The following MTERF3 variants were observed in gnomAD, a reference collection of about 807,000 sequenced individuals.
The protein encoded by MTERF3 is transcription termination factor 3, mitochondrial.
MTERF3 carries 40 observed loss-of-function variants against 40.5 expected under a neutral mutation model. The observed-to-expected ratio is 0.99, with a 90% CI of 0.77 to 1.29. The LOEUF (loss-of-function observed/expected upper bound fraction) is 1.29. MTERF3 is among the 50% of genes most tolerant of loss of function. The probability of loss-of-function intolerance (pLI) is 0.00; values close to 1 mark genes in which losing one functional copy is unlikely to be tolerated. For synonymous variants in MTERF3, 158 were observed against 166.6 expected, an observed-to-expected ratio of 0.95 and a Z score of 0.40; for missense variants, 452 against 478.2, an observed-to-expected ratio of 0.95 and a Z score of 0.51.
intron 1 of MTERF3, among the ~76,000 whole-genome samples, chr8:96,259,910 A>G (rs560162584): frequency 2.7e-5 from 4 of 149,356 alleles, no homozygotes; most frequent in Non-Finnish European, 6.0e-5. Context: ...TATTATTATT[A>G]TTATTTTTTT....
chr8:96,250,882 T>C (rs760442168), intron 4 of MTERF3, 24 bp downstream of exon 4: 39 of 1,584,622 alleles, frequency 2.5e-5, no homozygotes, highest in Non-Finnish European at 3.1e-5. Context: ...TTAGGTTATA[T>C]GAGAATCCTT....
At chr8:96,250,856 C>A (rs1036117136) in intron 4 of MTERF3, 50 bp downstream of exon 4, 1 of 1,514,212 alleles carries the variant, frequency 6.6e-7, no homozygotes, top group Non-Finnish European at 9.0e-7. Flanking sequence ...ACATATATTT[C>A]CTTCATAACC....
chr8:96,241,652 C>T (rs1432800208), intron 7 of MTERF3, among the ~76,000 whole-genome samples: 4 of 152,156 alleles, frequency 2.6e-5, no homozygotes, highest in Non-Finnish European at 4.4e-5. Flanking sequence ...TGCGGTGTTT[C>T]TCCCTTCTTT....
rs1184894202 is a variant in MTERF3 at position 96,256,991 on chromosome 8, G to C, written c.458C>G (p.Ser153Cys). Residue 153 changes from serine (S) to cysteine (C), a missense_variant, in exon 3 of 8, where the codon TCT (serine) becomes TGT (cysteine). Ser to Cys is a moderately radical substitution (Grantham distance 112). Transcript: ENST00000287025. Reference sequence around the variant, plus strand: ...AAGAACCAACTTCTGCAGAGTCTCAGAATGATCCACATAGTCTCGAAGTGT... The same window carrying C: ...AAGAACCAACTTCTGCAGAGTCTCACAATGATCCACATAGTCTCGAAGTGT... ...SFTLRDYVDHSETLQKLVLLG... is the reference protein window; with the variant it reads ...SFTLRDYVDHCETLQKLVLLG... The C allele has an allele frequency of 6.2e-7, 1 of 1,613,282 alleles. No homozygotes were observed. Among genetic ancestry groups the C allele is most frequent in the Non-Finnish European group, 8.5e-7 (1 of 1,179,748 alleles).
Position 96,250,946 on chromosome 8 carries a change from G to A in MTERF3, c.637C>T (p.His213Tyr), listed in dbSNP as rs148129681. The A allele has an allele frequency of 1.9e-6, 3 of 1,609,092 alleles. No individual in the cohort carries two copies. The highest frequency in any genetic ancestry group is 1.1e-5 in the South Asian group (1 of 89,588). The change falls in exon 4 of 8, where the codon CAT becomes TAT. Residue 213 changes from histidine (H) to tyrosine (Y), a missense_variant. By Grantham distance (83) the His-to-Tyr change is moderately conservative. Transcript: ENST00000287025. ...NQLGAFLTKNHAIFSEDLENL... is the reference protein window; with the variant it reads ...NQLGAFLTKNYAIFSEDLENL... ...TCAAGGTCTTCAGAGAAAATTGCAT[G>A]ATTTTTTGTCAGGAATGCTCCCAGT...
Position 96,240,259 on chromosome 8 carries a change from A to G in MTERF3, c.1060-574T>C, listed in dbSNP as rs972444590. ...TAAGACTCCATCTCAAAAAAAAAAA[A>G]AAAGGCAAATCCTCAAGCCTCACCC... On this transcript the variant is annotated intron_variant, in intron 7 of 7. Coordinates refer to ENST00000287025, the MANE Select transcript of MTERF3 (RefSeq NM_015942.5). 1.6e-4 allele frequency among the ~76,000 whole-genome samples: 25 copies of G among 152,134 alleles called. 1 individual carries two copies. The South Asian group carries it at 4.6e-3, about 28-fold the overall frequency.
intron 5 of MTERF3, 133 bp from the exon 6 acceptor site, chr8:96,246,064 G>A: frequency 2.3e-6 from 2 of 873,188 alleles, no homozygotes; most frequent in Non-Finnish European, 3.5e-6. Flanking sequence ...AGGAACCCCA[G>A]GAATAGATAA....
intron 4 of MTERF3, among the ~76,000 whole-genome samples, chr8:96,250,442 G>A (rs1388941449): frequency 6.8e-6 from 1 of 147,424 alleles, no homozygotes; most frequent in Non-Finnish European, 1.5e-5. Flanking sequence ...AGGCAGGGTG[G>A]CTCATGCCTG....
At position 96,251,077 on chromosome 8, in the gene MTERF3, A is replaced by G. The variant is rs761594515; in HGVS notation, c.506T>C (p.Ile169Thr). Residue 169 changes from isoleucine to threonine, a missense_variant, in exon 4 of 8, where the codon ATA (isoleucine) becomes ACA (threonine). Transcript: ENST00000287025. The part of the protein sequence containing the change: ...LVLLGVDLSK[I>T]EKHPEAANLL... ...GTTTGCTGCTTCTGGATGTTTTTCT[A>G]TCTTGGACAAATCCACGCCTATAAT... The G allele has an allele frequency of 3.8e-6, 6 of 1,582,472 alleles. No homozygotes were observed. The highest frequency in any genetic ancestry group is 2.4e-5 in the South Asian group (2 of 84,742).
At chr8:96,257,637 G>C (rs1266743595) in intron 2 of MTERF3, among the ~76,000 whole-genome samples, 3 of 152,122 alleles carry the variant, frequency 2.0e-5, no homozygotes, top group Admixed American at 1.3e-4. Flanking sequence ...CTCTAGTACA[G>C]CCCTGATTCT....
At chr8:96,240,801 C>G (rs1334863940) in intron 7 of MTERF3, among the ~76,000 whole-genome samples, 1 of 151,686 alleles carries the variant, frequency 6.6e-6, no homozygotes, top group Non-Finnish European at 1.5e-5. Flanking sequence ...GGGATGCGTT[C>G]ACATAACCCC....
At chr8:96,245,460 C>T (rs1810004021) in intron 6 of MTERF3, among the ~76,000 whole-genome samples, 1 of 152,162 alleles carries the variant, frequency 6.6e-6, no homozygotes, top group African/African-American at 2.4e-5. Context: ...GATCCAGCCT[C>T]CAAAACTCCC....
At chr8:96,252,855 T>C (rs1810210860) in intron 3 of MTERF3, among the ~76,000 whole-genome samples, 1 of 152,220 alleles carries the variant, frequency 6.6e-6, no homozygotes, top group Non-Finnish European at 1.5e-5. Context: ...CCTGAAAAGC[T>C]GCTTTTTAAC....
intron 5 of MTERF3, 23 bp downstream of exon 5, chr8:96,246,284 A>T: frequency 6.3e-7 from 1 of 1,579,850 alleles, no homozygotes; most frequent in Non-Finnish European, 8.6e-7. Flanking sequence ...ATGGAAATAA[A>T]CAAATTCTCT....
Position 96,258,735 on chromosome 8 carries a change from AAATTT to A in MTERF3, c.-10-40_-10-36del, listed in dbSNP as rs779938982. 2.1e-6 allele frequency: 3 copies of A among 1,430,370 alleles called. No homozygotes were observed. The Admixed American group carries it at 6.7e-5, about 32-fold the overall frequency. 88.6% of individuals were successfully genotyped at this position (1,430,370 alleles called of 1,614,324 possible). On this transcript the variant is annotated intron_variant, in intron 1 of 7. Coordinates refer to ENST00000287025, the MANE Select transcript of MTERF3 (RefSeq NM_015942.5). ...AAAGATATAACCGTCAAAAGAAGAG[AAATTT>A]AATTTACTTAAATGTTTAAAACGGT...
At chr8:96,252,384 C>T (rs1441830506) in intron 3 of MTERF3, among the ~76,000 whole-genome samples, 4 of 151,974 alleles carry the variant, frequency 2.6e-5, no homozygotes, top group Non-Finnish European at 5.9e-5. Flanking sequence ...ATATCTTATA[C>T]GGAAATTAAT....
At position 96,250,937 on chromosome 8, in the gene MTERF3, A is replaced by C; in HGVS notation, c.646T>G (p.Phe216Val). The C allele has an allele frequency of 6.2e-7, 1 of 1,609,888 alleles. No homozygotes were observed. Among genetic ancestry groups the C allele is most frequent in the Non-Finnish European group, 8.5e-7 (1 of 1,179,050 alleles). The part of the protein sequence containing the change: ...GAFLTKNHAI[F>V]SEDLENLKTR... ...TTCAGATTTTCAAGGTCTTCAGAGA[A>C]AATTGCATGATTTTTTGTCAGGAAT... Residue 216 changes from phenylalanine to valine, a missense_variant, in exon 4 of 8, where the codon TTC becomes GTC. Physicochemically the swap from Phe to Val is conservative, Grantham distance 50. Transcript: ENST00000287025.
In MTERF3 at chr8:96,258,549, A is replaced by G. The variant is rs1414910994; in HGVS notation, c.142T>C (p.Ser48Pro). ...CACTGGAGAAAGCAATTGTCAGAGG[A>G]TATCTGAGGCTGAGCAGAAAAGCCA... ...LHGFSAQPQI[S>P]SDNCFLQWGF... The change falls in exon 2 of 8, where the codon TCC becomes CCC. Residue 48 changes from serine to proline, a missense_variant. Physicochemically the swap from Ser to Pro is moderately conservative, Grantham distance 74 (BLOSUM62 -1). Coordinates refer to ENST00000287025, the MANE Select transcript of MTERF3 (RefSeq NM_015942.5). The G allele has an allele frequency of 3.7e-6, 6 of 1,614,150 alleles. No homozygotes were observed. The highest frequency in any genetic ancestry group is 3.4e-6 in the Non-Finnish European group (4 of 1,180,010).
chr8:96,254,284 A>G (rs183392394), intron 3 of MTERF3, among the ~76,000 whole-genome samples: 1 of 152,288 alleles, frequency 6.6e-6, no homozygotes, highest in East Asian at 1.9e-4. Flanking sequence ...TGTGGTGAGA[A>G]CACTTAAAAT....
Sources: gnomAD v4.1 joint callset for allele counts (sites outside exome capture counted in the v4.1 genomes callset) on GRCh38, gnomAD v4.1.1 for gene constraint, MANE v1.5 for transcripts, NCBI Gene and HGNC (gene_info 2026-07-23, HGNC 2026-07-21) for gene names.